The following DPP6 variants were observed in gnomAD, a reference collection of about 807,000 sequenced individuals.
DPP6 encodes dipeptidyl peptidase like 6.
Under a neutral mutation model 122.6 loss-of-function variants are expected in DPP6, and 69 were observed. That is an observed-to-expected ratio of 0.56 (90% CI 0.46 to 0.69). The LOEUF is 0.69. Among genes scored for constraint, DPP6 ranks in the 30% least tolerant of loss-of-function variants. The pLI is 0.00. For missense variants in DPP6, 928 were observed against 1,116.9 expected (o/e 0.83, Z 2.41); for synonymous variants, 418 against 433.1 (o/e 0.97, Z 0.43).
intron 1 of DPP6, among the ~76,000 whole-genome samples, chr7:154,220,452 A>G (rs1800240507): frequency 6.6e-6 from 1 of 152,194 alleles, no homozygotes; most frequent in African/African-American, 2.4e-5. Context: ...AGGAGCAGAG[A>G]AAGCAACTAT....
chr7:154,122,359 A>G (rs1193268006), intron 1 of DPP6, among the ~76,000 whole-genome samples: 3 of 152,230 alleles, frequency 2.0e-5, no homozygotes, highest in African/African-American at 7.2e-5. Context: ...CACACTGGAA[A>G]GAGAACCACA....
chr7:154,492,578 C>T (rs906600305), intron 3 of DPP6, among the ~76,000 whole-genome samples: 2 of 152,086 alleles, frequency 1.3e-5, no homozygotes, highest in Non-Finnish European at 2.9e-5. Flanking sequence ...GATACCGCAC[C>T]GGGTGTTATG....
At chr7:154,870,605 C>T (rs1804301024) in intron 18 of DPP6, among the ~76,000 whole-genome samples, 1 of 151,614 alleles carries the variant, frequency 6.6e-6, no homozygotes, top group Non-Finnish European at 1.5e-5. Context: ...GACTTTGTCT[C>T]AAAAAACAAA....
intron 1 of DPP6, among the ~76,000 whole-genome samples, chr7:154,272,434 C>T (rs953020571): frequency 9.2e-5 from 14 of 152,058 alleles, no homozygotes; most frequent in Admixed American, 7.2e-4. Flanking sequence ...TTTTGTGCAC[C>T]GCCTGGATGG....
chr7:154,511,659 A>C (rs1370608344), intron 3 of DPP6, among the ~76,000 whole-genome samples: 1 of 152,216 alleles, frequency 6.6e-6, no homozygotes, highest in Non-Finnish European at 1.5e-5. Context: ...TAACTGGCAA[A>C]ATTCTAGAGC....
At chr7:154,636,619 G>A (rs1835742567) in intron 5 of DPP6, among the ~76,000 whole-genome samples, 1 of 152,228 alleles carries the variant, frequency 6.6e-6, no homozygotes, top group South Asian at 2.1e-4. Context: ...ATCTCTGAAA[G>A]CACCAGATTG....
chr7:154,492,217 G>A (rs1824336244), intron 3 of DPP6, among the ~76,000 whole-genome samples: 1 of 152,078 alleles, frequency 6.6e-6, no homozygotes, highest in Admixed American at 6.6e-5. Flanking sequence ...ATTATGCTGG[G>A]GGCTGAATCT....
intron 1 of DPP6, among the ~76,000 whole-genome samples, chr7:154,188,372 A>T (rs1798453014): frequency 6.6e-6 from 1 of 152,214 alleles, no homozygotes; most frequent in African/African-American, 2.4e-5. Flanking sequence ...AGGTATACAA[A>T]GATTAATAAG....
chr7:154,731,225 G>A (rs1842325850), intron 8 of DPP6, among the ~76,000 whole-genome samples: 1 of 152,160 alleles, frequency 6.6e-6, no homozygotes, highest in African/African-American at 2.4e-5. Flanking sequence ...GAATGAAAAT[G>A]CCCTAAAGCA....
chr7:154,234,818 G>A lies in DPP6; in HGVS notation c.243+181755G>A, dbSNP rs567051319. On this transcript the variant is annotated intron_variant, in intron 1 of 25. Coordinates refer to ENST00000377770, the MANE Select transcript of DPP6 (RefSeq NM_130797.4). ...GGTGGAGATGGCCATCTCCTTTCCC[G>A]TCCAGGCCTGGTTCCTGTGTGCTGG... 1.2e-3 allele frequency among the ~76,000 whole-genome samples: 184 copies of A among 152,130 alleles called. 1 individual carries two copies. Among genetic ancestry groups the A allele is most frequent in the African/African-American group, 3.6e-3 (150 of 41,496 alleles).
the DPP6 span, among the ~76,000 whole-genome samples, chr7:153,848,051 A>C: frequency 6.6e-6 from 1 of 152,200 alleles, no homozygotes; most frequent in South Asian, 2.1e-4. Context: ...GGATGAAAAA[A>C]TGTACGCAGA....
intron 1 of DPP6, among the ~76,000 whole-genome samples, chr7:154,346,439 T>C (rs1810402738): frequency 1.3e-5 from 2 of 152,160 alleles, no homozygotes; most frequent in African/African-American, 4.8e-5. Flanking sequence ...CCCAAGTATC[T>C]GGGATTACAG....
At chr7:153,867,900 T>G in the DPP6 span, among the ~76,000 whole-genome samples, 2 of 152,236 alleles carry the variant, frequency 1.3e-5, no homozygotes, top group African/African-American at 4.8e-5. Flanking sequence ...ATGCATCTAT[T>G]GAGATAATCA....
Position 154,052,920 on chromosome 7 carries a change from G to A in DPP6, c.100G>A (p.Glu34Lys), listed in dbSNP as rs1008358424. 6.7e-7 allele frequency: 1 copy of A among 1,496,350 alleles called. No individual in the cohort carries two copies. The highest frequency in any genetic ancestry group is 8.9e-7 in the Non-Finnish European group (1 of 1,122,240). The allele number at this position is 1,496,350 out of a possible 1,614,324, so 92.7% of individuals were successfully genotyped here. ...TCACCTCCTGGGCGGCCAGGGGCCCGAGGAGGACGGCGGCGCAGGAGCCAA... is the reference window on the plus strand; with the variant it reads ...TCACCTCCTGGGCGGCCAGGGGCCCAAGGAGGACGGCGGCGCAGGAGCCAA... ...ASHLLGGQGP[E>K]EDGGAGAKPL... The change falls in exon 1 of 26, where the codon GAG becomes AAG. Residue 34 changes from glutamate to lysine, a missense_variant. Coordinates refer to ENST00000377770, the MANE Select transcript of DPP6 (RefSeq NM_130797.4). This position sits in a 1 kb window ranked among gnomAD's most constrained non-coding sequence, Gnocchi z 4.8.
intron 1 of DPP6, among the ~76,000 whole-genome samples, chr7:154,424,275 T>C (rs951044027): frequency 2.0e-5 from 3 of 152,238 alleles, no homozygotes; most frequent in Admixed American, 1.3e-4. Context: ...CGCTTATTGC[T>C]GTTACAAATT....
Position 154,587,978 on chromosome 7 carries a change from G to A in DPP6, c.627+21062G>A, listed in dbSNP as rs372383365. On this transcript the variant is annotated intron_variant, in intron 5 of 25. Transcript: ENST00000377770. ...GCACCTGCAGCCCTCAGGCAGCACT[G>A]TCCATTGTCATACGAGTGTGGCAGG... 1.3e-4 allele frequency: 214 copies of A among 1,612,810 alleles called. 1 individual carries two copies. The highest frequency in any genetic ancestry group is 1.8e-4 in the Non-Finnish European group (209 of 1,179,912).
intron 1 of DPP6, among the ~76,000 whole-genome samples, chr7:154,417,223 A>T (rs1161972501): frequency 3.3e-5 from 5 of 152,212 alleles, no homozygotes; most frequent in Admixed American, 3.3e-4. Flanking sequence ...GCTGACATGG[A>T]AATTCCTTAT....
At chr7:153,890,511 T>C (rs1218979868) in intron 1 of DPP6, among the ~76,000 whole-genome samples, 1 of 152,218 alleles carries the variant, frequency 6.6e-6, no homozygotes, top group African/African-American at 2.4e-5. Flanking sequence ...GTTGAAAGTA[T>C]GTTCTTATAA....
chr7:154,017,994 C>T (rs1798511388), intron 1 of DPP6, among the ~76,000 whole-genome samples: 1 of 152,110 alleles, frequency 6.6e-6, no homozygotes, highest in African/African-American at 2.4e-5. Flanking sequence ...GAGTGCAGGG[C>T]CAGATGAAAT....
Sources: allele counts gnomAD v4.1 joint callset (sites outside exome capture counted in the v4.1 genomes callset), GRCh38; gene constraint gnomAD v4.1.1; non-coding constraint Gnocchi (gnomAD v3.1); transcripts MANE v1.5; gene names NCBI Gene and HGNC (gene_info 2026-07-23, HGNC 2026-07-21).